Variants in CSMD1 observed in about 807,000 individuals in gnomAD.
CSMD1 encodes CUB and sushi domain-containing protein 1.
In CSMD1, 213 loss-of-function variants were observed where a neutral mutation model predicts 417.5. The ratio of observed to expected loss-of-function variants is 0.51; its 90% CI spans 0.46 to 0.57. The LOEUF is 0.57. CSMD1 is among the 20% of genes least tolerant of loss of function. The probability of loss-of-function intolerance (pLI) is 0.00; values close to 1 mark genes in which losing one functional copy is unlikely to be tolerated. For synonymous variants in CSMD1, 2,862 were observed against 1,736.8 expected (o/e 1.65, Z -16.11); for missense variants, 6,923 against 4,529.7 (o/e 1.53, Z -15.17).
intron 3 of CSMD1, among the ~76,000 whole-genome samples, chr8:4,260,624 A>T (rs1321198738): frequency 2.0e-5 from 3 of 152,142 alleles, no homozygotes; most frequent in Admixed American, 1.3e-4. Context: ...TAGAATTTTG[A>T]TATTATTCAT....
At chr8:4,400,403 CAGG>C (rs1338251010) in intron 3 of CSMD1, among the ~76,000 whole-genome samples, 1 of 152,214 alleles carries the variant, frequency 6.6e-6, no homozygotes, top group Non-Finnish European at 1.5e-5. Flanking sequence ...TTTGCCGTTC[CAGG>C]AGCATATGTT....
intron 52 of CSMD1, among the ~76,000 whole-genome samples, chr8:3,006,698 G>T (rs1162243180): frequency 2.0e-5 from 3 of 151,496 alleles, no homozygotes; most frequent in Non-Finnish European, 2.9e-5. Context: ...AATAAATGGT[G>T]CTGGGAAAAC....
rs931608443 is a variant in CSMD1 at position 3,828,759 on chromosome 8, G to A, written c.819-74717C>T. The stretch of plus-strand genomic sequence containing the variant: ...CAGAGAGACCTTACTAAACATCAGT[G>A]AGGTCCTGTCACTTCCTCCCAAGCA... On this transcript the variant is annotated intron_variant, in intron 5 of 69. Transcript: ENST00000635120. Among the ~76,000 whole-genome samples the A allele has an allele frequency of 3.0e-4, 45 of 152,084 alleles. 1 individual carries two copies. The highest frequency in any genetic ancestry group is 2.1e-4 in the South Asian group (1 of 4,830).
chr8:3,270,537 T>A (rs1040714652), intron 26 of CSMD1, among the ~76,000 whole-genome samples: 2 of 152,232 alleles, frequency 1.3e-5, no homozygotes, highest in Non-Finnish European at 2.9e-5. Flanking sequence ...TATCAAAATT[T>A]TAAGTGATCA....
intron 1 of CSMD1, among the ~76,000 whole-genome samples, chr8:4,915,535 G>T (rs1013919231): frequency 2.0e-5 from 3 of 152,078 alleles, no homozygotes; most frequent in Non-Finnish European, 4.4e-5. Context: ...GCAGGAGCAC[G>T]GCTCTGAGGT....
intron 1 of CSMD1, among the ~76,000 whole-genome samples, chr8:4,833,410 G>C (rs768672317): frequency 6.6e-6 from 1 of 152,160 alleles, no homozygotes; most frequent in Non-Finnish European, 1.5e-5. Flanking sequence ...CATGAGAACA[G>C]CAAGAGGAAA....
intron 1 of CSMD1, among the ~76,000 whole-genome samples, chr8:4,799,344 A>C (rs1798153367): frequency 6.6e-6 from 1 of 152,192 alleles, no homozygotes; most frequent in South Asian, 2.1e-4. Flanking sequence ...GACTGGTAAT[A>C]CAATGACGAG....
chr8:3,627,024 G>A (rs1227807431), intron 7 of CSMD1, among the ~76,000 whole-genome samples: 1 of 152,006 alleles, frequency 6.6e-6, no homozygotes, highest in African/African-American at 2.4e-5. Context: ...TATTTCCTCA[G>A]GAGTTTAGGC....
intron 12 of CSMD1, among the ~76,000 whole-genome samples, chr8:3,431,413 C>G (rs1295503728): frequency 2.0e-5 from 3 of 152,052 alleles, no homozygotes; most frequent in Admixed American, 6.6e-5. Flanking sequence ...TTTTGTATTC[C>G]CAGTTTGTCT....
chr8:3,334,753 A>T (rs1245966711), intron 23 of CSMD1, among the ~76,000 whole-genome samples: 1 of 152,172 alleles, frequency 6.6e-6, no homozygotes, highest in Non-Finnish European at 1.5e-5. Context: ...TTTTTATTTC[A>T]CATTGAATTT....
intron 2 of CSMD1, among the ~76,000 whole-genome samples, chr8:4,624,644 C>G (rs1219565260): frequency 6.6e-6 from 1 of 152,156 alleles, no homozygotes; most frequent in Non-Finnish European, 1.5e-5. Context: ...AACGGTGGGT[C>G]GGTGCCCAGC....
chr8:4,104,102 G>C (rs532829693), intron 3 of CSMD1, among the ~76,000 whole-genome samples: 2 of 152,310 alleles, frequency 1.3e-5, no homozygotes, highest in East Asian at 1.9e-4. Flanking sequence ...GATCAAGATT[G>C]ACCTGTCCCA....
At chr8:4,697,644 C>G (rs1807228250) in intron 1 of CSMD1, among the ~76,000 whole-genome samples, 1 of 152,056 alleles carries the variant, frequency 6.6e-6, no homozygotes. Context: ...TAAGCAGGGA[C>G]TGATATTAGT....
chr8:4,990,236 C>T (rs1811390591), intron 1 of CSMD1, among the ~76,000 whole-genome samples: 1 of 152,192 alleles, frequency 6.6e-6, no homozygotes, highest in South Asian at 2.1e-4. Context: ...TCCAGAAGCA[C>T]TGAAAAGCTT....
chr8:3,682,246 G>A (rs1799703924), intron 7 of CSMD1, among the ~76,000 whole-genome samples: 3 of 152,100 alleles, frequency 2.0e-5, no homozygotes, highest in East Asian at 1.9e-4. Flanking sequence ...CCATCAGAGT[G>A]AACAGGCAAC....
chr8:3,512,557 G>A (rs1205658367), intron 10 of CSMD1, among the ~76,000 whole-genome samples: 1 of 151,784 alleles, frequency 6.6e-6, no homozygotes, highest in Non-Finnish European at 1.5e-5. Context: ...ACAGCAGCAG[G>A]AGAAATGAAC....
intron 46 of CSMD1, among the ~76,000 whole-genome samples, chr8:3,101,462 G>A (rs1390658688): frequency 3.3e-5 from 5 of 152,062 alleles, no homozygotes; most frequent in Non-Finnish European, 7.4e-5. Flanking sequence ...TCGCTCTGAC[G>A]CCCAGGCTGG....
chr8:3,221,905 T>TTA (rs1563156822), intron 28 of CSMD1, among the ~76,000 whole-genome samples: 1 of 151,512 alleles, frequency 6.6e-6, no homozygotes, highest in Non-Finnish European at 1.5e-5. Flanking sequence ...CACCCTCCCA[T>TTA]AAAAAAAACA....
chr8:3,014,032 A>C (rs1284308988), intron 52 of CSMD1, among the ~76,000 whole-genome samples: 1 of 152,128 alleles, frequency 6.6e-6, no homozygotes, highest in Non-Finnish European at 1.5e-5. Context: ...TTCTCCTCAT[A>C]TACATTGCAA....
Sources: gnomAD v4.1 joint callset for allele counts (sites outside exome capture counted in the v4.1 genomes callset) on GRCh38, gnomAD v4.1.1 for gene constraint, MANE v1.5 for transcripts, NCBI Gene and HGNC (gene_info 2026-07-23, HGNC 2026-07-21) for gene names.